Variants in FAM222A observed in about 807,000 individuals in gnomAD.
The protein encoded by FAM222A is protein FAM222A.
FAM222A carries 7 observed loss-of-function variants against 25.8 expected under a neutral mutation model. The observed-to-expected ratio is 0.27, with a 90% CI of 0.15 to 0.51. FAM222A has a LOEUF of 0.51. Among genes scored for constraint, FAM222A ranks in the 20% least tolerant of loss-of-function variants. FAM222A has a pLI of 0.97. For synonymous variants in FAM222A, 294 were observed against 298.8 expected (o/e 0.98, Z 0.17); for missense variants, 573 against 640.5 (o/e 0.89, Z 1.14).
At chr12:109,764,539 A>G (rs1307475677) in intron 2 of FAM222A, among the ~76,000 whole-genome samples, 1 of 152,266 alleles carries the variant, frequency 6.6e-6, no homozygotes, top group East Asian at 1.9e-4. Context: ...AAATGAAAGT[A>G]TAATGGTGAG....
chr12:109,718,498 G>A (rs1887687892), intron 1 of FAM222A, among the ~76,000 whole-genome samples: 1 of 152,198 alleles, frequency 6.6e-6, no homozygotes, highest in South Asian at 2.1e-4. Flanking sequence ...TCTGGGCTCG[G>A]GGCGGGGGTG....
At chr12:109,739,193 GTCC>G (rs1888167591) in intron 1 of FAM222A, among the ~76,000 whole-genome samples, 1 of 152,254 alleles carries the variant, frequency 6.6e-6, no homozygotes, top group Admixed American at 6.5e-5. Context: ...AGCCAGGTGT[GTCC>G]TCCTCCTATT....
At chr12:109,722,185 TGA>T (rs1887758518) in intron 1 of FAM222A, among the ~76,000 whole-genome samples, 1 of 151,954 alleles carries the variant, frequency 6.6e-6, no homozygotes, top group African/African-American at 2.4e-5. Context: ...GGCAGGCAGG[TGA>T]GAGTGTTTAC....
In FAM222A at chr12:109,769,026, C is replaced by T. The variant is rs760242287; in HGVS notation, c.1097C>T (p.Ala366Val). The part of the protein sequence containing the change: ...PTSDCYNPAA[A>V]VVVTELGPGA... ...AGCGACTGCTACAACCCAGCGGCGG[C>T]GGTGGTGGTCACGGAGCTGGGGCCG... The change falls in exon 3 of 3, where the codon GCG becomes GTG. Residue 366 changes from alanine to valine, a missense_variant. Physicochemically the swap from Ala to Val is moderately conservative, Grantham distance 64. This residue lies in a region of FAM222A where 412 missense variants were observed against 407.0 expected (regional missense o/e 1.01). Coordinates refer to ENST00000538780, the MANE Select transcript of FAM222A (RefSeq NM_032829.3). The T allele has an allele frequency of 1.4e-5, 22 of 1,581,856 alleles. No homozygotes were observed. Among genetic ancestry groups the T allele is most frequent in the East Asian group, 6.9e-5 (3 of 43,342 alleles).
intron 1 of FAM222A, among the ~76,000 whole-genome samples, chr12:109,727,951 C>T (rs1013977319): frequency 6.6e-6 from 1 of 152,146 alleles, no homozygotes; most frequent in South Asian, 2.1e-4. Context: ...ATAAACAAGC[C>T]CAGGGCCCTG....
chr12:109,759,921 C>G (rs1421932522), intron 2 of FAM222A, among the ~76,000 whole-genome samples: 1 of 152,248 alleles, frequency 6.6e-6, no homozygotes, highest in African/African-American at 2.4e-5. Context: ...GTCTCCAAAT[C>G]TAGCCCAGGA....
intron 1 of FAM222A, among the ~76,000 whole-genome samples, chr12:109,730,411 G>T (rs986360307): frequency 6.6e-6 from 1 of 151,550 alleles, no homozygotes; most frequent in Non-Finnish European, 1.5e-5. Context: ...GGGGGCGGGG[G>T]GGGGGGTTCC....
chr12:109,758,558 T>C, intron 2 of FAM222A, among the ~76,000 whole-genome samples: 1 of 152,026 alleles, frequency 6.6e-6, no homozygotes, highest in Non-Finnish European at 1.5e-5. Context: ...GCCAGGAAGG[T>C]ATGGAGCAGC....
At chr12:109,755,390 G>T (rs777411412) in intron 2 of FAM222A, among the ~76,000 whole-genome samples, 1 of 129,058 alleles carries the variant, frequency 7.7e-6, no homozygotes, top group Non-Finnish European at 1.6e-5. Flanking sequence ...TCGGCTCACC[G>T]CAATCTCGGC....
At chr12:109,742,344 A>G (rs938617844) in intron 1 of FAM222A, among the ~76,000 whole-genome samples, 1 of 152,242 alleles carries the variant, frequency 6.6e-6, no homozygotes, top group African/African-American at 2.4e-5. Flanking sequence ...CCACCTGCTC[A>G]CATTCCAAGT....
At chr12:109,718,833 GTC>G (rs1887697453) in intron 1 of FAM222A, among the ~76,000 whole-genome samples, 1 of 152,240 alleles carries the variant, frequency 6.6e-6, no homozygotes, top group Non-Finnish European at 1.5e-5. Flanking sequence ...GACTATTTTA[GTC>G]TGCACGGGCT....
chr12:109,758,080 G>A (rs890605420), intron 2 of FAM222A, among the ~76,000 whole-genome samples: 2 of 152,214 alleles, frequency 1.3e-5, no homozygotes, highest in Non-Finnish European at 2.9e-5. Context: ...CACCTTGGCC[G>A]CTCCAGGGCT....
intron 1 of FAM222A, among the ~76,000 whole-genome samples, chr12:109,736,830 G>A (rs1016490468): frequency 2.0e-5 from 3 of 152,246 alleles, no homozygotes; most frequent in Admixed American, 2.0e-4. Context: ...GGAGCTGGCC[G>A]TGGTGCTGAC....
At chr12:109,745,463 G>A (rs1048711621) in intron 2 of FAM222A, among the ~76,000 whole-genome samples, 5 of 152,218 alleles carry the variant, frequency 3.3e-5, no homozygotes, top group Non-Finnish European at 7.3e-5. Context: ...TACATTTCTG[G>A]AAGTGGAAAT....
chr12:109,767,357 G>A (rs575422823), intron 2 of FAM222A, among the ~76,000 whole-genome samples: 8 of 151,972 alleles, frequency 5.3e-5, no homozygotes, highest in South Asian at 2.1e-4. Context: ...GCGCAACCCC[G>A]TCTCTGCAAA....
chr12:109,767,936 G>A (rs907630587), intron 2 of FAM222A, 76 bp from the exon 3 acceptor site: 8 of 1,395,566 alleles, frequency 5.7e-6, no homozygotes, highest in East Asian at 4.7e-5. Context: ...AGTGGAGGGG[G>A]CGGGACTCGT....
intron 1 of FAM222A, chr12:109,722,857 A>G (rs1384244315): frequency 6.6e-6 from 1 of 152,240 alleles, no homozygotes; most frequent in Admixed American, 6.5e-5. Context: ...ATTAGTTCAC[A>G]GCAGTGGCGC....
intron 1 of FAM222A, among the ~76,000 whole-genome samples, chr12:109,731,317 G>A (rs1887942745): frequency 6.6e-6 from 1 of 152,052 alleles, no homozygotes; most frequent in Non-Finnish European, 1.5e-5. Context: ...GCCTACCCCA[G>A]GAGCGGCTGG....
Position 109,769,372 on chromosome 12 carries a change from G to A in FAM222A, c.*84G>A. ...CAGAACAGGGTGGGCGGCTCGCAGG[G>A]GCGCTCAGCCCCACCCTGTGCCTGC... On this transcript the variant is annotated 3_prime_UTR_variant, in exon 3 of 3. Transcript: ENST00000538780. The A allele has an allele frequency of 1.4e-6, 2 of 1,453,896 alleles. No individual in the cohort carries two copies. The highest frequency in any genetic ancestry group is 1.8e-6 in the Non-Finnish European group (2 of 1,090,964). 90.1% of individuals were successfully genotyped at this position (1,453,896 alleles called of 1,614,324 possible). A position where few individuals can be genotyped will look rare whatever the true frequency, so the allele number is the denominator to read the frequency against.
Sources: gnomAD v4.1 joint callset for allele counts (sites outside exome capture counted in the v4.1 genomes callset) on GRCh38, gnomAD v4.1.1 for gene constraint, gnomAD v4.1.1 regional missense constraint, MANE v1.5 for transcripts, NCBI Gene and HGNC (gene_info 2026-07-23, HGNC 2026-07-21) for gene names.